The following MID2 variants were observed in gnomAD, a reference collection of about 807,000 sequenced individuals.
MID2 encodes the protein probable E3 ubiquitin-protein ligase MID2.
MID2 carries 13 observed loss-of-function variants against 46.1 expected under a neutral mutation model. That is an observed-to-expected ratio of 0.28 (90% CI 0.18 to 0.45). MID2 has a LOEUF of 0.45. Ranked by LOEUF, MID2 falls within the 20% of genes least tolerant of loss-of-function variation. The pLI is 1.00. For synonymous variants in MID2, 199 were observed against 212.3 expected (o/e 0.94, Z 0.55); for missense variants, 431 against 575.4 (o/e 0.75, Z 2.57).
At chrX:107,849,076 G>A (rs1931552444) in intron 2 of MID2, among the ~76,000 whole-genome samples, 1 of 112,091 alleles carries the variant, frequency 8.9e-6, no homozygotes. Flanking sequence ...CCCTTCCTAT[G>A]CTCACCCCAA....
Position 107,887,604 on chromosome X carries a change from A to G in MID2, c.817-16354A>G, listed in dbSNP as rs1388290529. 7.2e-5 allele frequency among the ~76,000 whole-genome samples: 8 copies of G among 110,958 alleles called. No homozygotes were observed. In the East Asian group the frequency reaches 8.5e-4, roughly 12 times the overall value. ...AATTCTCTTTTTTTGTTGTGTCTCTACCAGGCTTTGGTATCAGGATGATGC... is the reference window on the plus strand; with the variant it reads ...AATTCTCTTTTTTTGTTGTGTCTCTGCCAGGCTTTGGTATCAGGATGATGC... On this transcript the variant is annotated intron_variant, in intron 3 of 9. Transcript: ENST00000262843.
At chrX:107,905,660 C>T in intron 5 of MID2, 34 bp downstream of exon 5, 2 of 1,130,722 alleles carry the variant, frequency 1.8e-6, no homozygotes, top group Non-Finnish European at 2.4e-6. Context: ...AATGCCTGCT[C>T]TTGTGAAAAG....
At chrX:107,878,085 A>G (rs1310506509) in intron 3 of MID2, among the ~76,000 whole-genome samples, 2 of 111,153 alleles carry the variant, frequency 1.8e-5, no homozygotes, top group South Asian at 3.8e-4. Context: ...TAATCACTGT[A>G]TTCTTCCCCC....
At chrX:107,854,999 A>G (rs146803923) in intron 3 of MID2, among the ~76,000 whole-genome samples, 1,268 of 111,949 alleles carry the variant, frequency 0.011, 14 homozygotes, top group Non-Finnish European at 0.017. Flanking sequence ...TGCTTCATCC[A>G]TCATCAAACT....
intron 3 of MID2, among the ~76,000 whole-genome samples, chrX:107,888,792 C>T (rs1449314592): frequency 8.9e-6 from 1 of 111,808 alleles, no homozygotes; most frequent in African/African-American, 3.3e-5. Context: ...CTTTATGAAT[C>T]TGGGTGCTCC....
At chrX:107,868,947 T>C (rs772707901) in intron 3 of MID2, among the ~76,000 whole-genome samples, 2 of 110,995 alleles carry the variant, frequency 1.8e-5, no homozygotes, top group South Asian at 7.7e-4. Context: ...TAGATAGAGA[T>C]AATATATATT....
intron 3 of MID2, among the ~76,000 whole-genome samples, chrX:107,890,899 G>A (rs1006905615): frequency 1.8e-5 from 2 of 110,334 alleles, no homozygotes; most frequent in African/African-American, 6.6e-5. Context: ...GGCTCTGTGG[G>A]ATTAGGTCCC....
chrX:107,850,189 G>GACACAC (rs201492124), intron 2 of MID2, among the ~76,000 whole-genome samples: 17 of 102,151 alleles, frequency 1.7e-4, no homozygotes, highest in Non-Finnish European at 3.1e-4. Context: ...CACACACACA[G>GACACAC]ACACACACAC....
intron 3 of MID2, among the ~76,000 whole-genome samples, chrX:107,882,605 C>T (rs933061733): frequency 8.9e-6 from 1 of 111,848 alleles, no homozygotes; most frequent in Non-Finnish European, 1.9e-5. Flanking sequence ...TGAAAAAATG[C>T]TCATCATCAC....
At chrX:107,890,716 A>T (rs375215590) in intron 3 of MID2, among the ~76,000 whole-genome samples, 1 of 111,724 alleles carries the variant, frequency 9.0e-6, no homozygotes, top group African/African-American at 3.3e-5. Context: ...GCCCCCAGAG[A>T]TGGAGTCTAC....
rs1286021685 is a variant in MID2, at chrX:107,826,189, C to T, written c.-238C>T. 6.7e-6 allele frequency: 2 copies of T among 298,227 alleles called. No individual in the cohort carries two copies. The highest frequency in any genetic ancestry group is 5.5e-5 in the African/African-American group (2 of 36,423). The allele number at this position is 298,227 out of a possible 1,213,427, so 24.6% of individuals were successfully genotyped here. A position where few individuals can be genotyped will look rare whatever the true frequency, so the allele number is the denominator to read the frequency against. ...GGGAGGCCCAGCTGCGGTAGCATCG[C>T]GGCCGCCGTGCTGTCCCCTGCGGGG... On this transcript the variant is annotated 5_prime_UTR_variant, in exon 1 of 10. Transcript: ENST00000262843.
chrX:107,876,515 G>A lies in MID2; in HGVS notation c.816+21811G>A, dbSNP rs1483886912. Among the ~76,000 whole-genome samples the A allele has an allele frequency of 3.6e-5, 4 of 110,877 alleles. No individual in the cohort carries two copies. The South Asian group carries it at 1.2e-3, about 33-fold the overall frequency. On this transcript the variant is annotated intron_variant, in intron 3 of 9. Coordinates refer to ENST00000262843, the MANE Select transcript of MID2 (RefSeq NM_012216.4). Reference sequence around the variant, plus strand: ...CTGAGAGGCTTAGTTCTGGTCCTACGTAAGCCCTCCATCATGGACACCTAA... The same window carrying A: ...CTGAGAGGCTTAGTTCTGGTCCTACATAAGCCCTCCATCATGGACACCTAA...
intron 3 of MID2, among the ~76,000 whole-genome samples, 159 bp from the exon 4 acceptor site, chrX:107,903,799 C>T (rs2082848781): frequency 1.8e-5 from 2 of 111,634 alleles, no homozygotes; most frequent in African/African-American, 6.5e-5. Flanking sequence ...AATGCCCTTG[C>T]ATCATTAATA....
At chrX:107,849,607 T>C (rs1931565770) in intron 2 of MID2, among the ~76,000 whole-genome samples, 1 of 111,918 alleles carries the variant, frequency 8.9e-6, no homozygotes, top group Non-Finnish European at 1.9e-5. Flanking sequence ...GGGAAGGGAA[T>C]AAGAGAGCAC....
chrX:107,848,882 C>T (rs1931547481), intron 2 of MID2, among the ~76,000 whole-genome samples: 1 of 112,087 alleles, frequency 8.9e-6, no homozygotes, highest in Non-Finnish European at 1.9e-5. Context: ...TGTGAAGATT[C>T]TGGCTTCTGG....
rs1933189745 is a variant in MID2, at chrX:107,926,881, C to T, written c.2016C>T (p.Asn672=). The T allele has an allele frequency of 2.5e-6, 3 of 1,209,141 alleles. No individual in the cohort carries two copies. The Admixed American group carries it at 6.6e-5, about 26-fold the overall frequency. ...NNMLSFYDPA[N]SLHLHTFDVT... is the part of the protein sequence containing the mutation. Reference sequence around the variant, plus strand: ...TGCTGTCTTTCTATGACCCAGCTAACTCTCTCCATCTTCATACTTTTGATG... The same window carrying T: ...TGCTGTCTTTCTATGACCCAGCTAATTCTCTCCATCTTCATACTTTTGATG... Residue 672 remains asparagine, a synonymous_variant, in exon 10 of 10, where the codon AAC becomes AAT. Coordinates refer to ENST00000262843, the MANE Select transcript of MID2 (RefSeq NM_012216.4).
intron 5 of MID2, among the ~76,000 whole-genome samples, chrX:107,906,439 C>G (rs1318566203): frequency 1.8e-5 from 2 of 112,128 alleles, no homozygotes; most frequent in African/African-American, 3.2e-5. Flanking sequence ...AACAGTGACT[C>G]TCACCTCAGA....
Position 107,927,231 on chromosome X carries a change from T to C in MID2, c.*158T>C, listed in dbSNP as rs1933198226. On this transcript the variant is annotated 3_prime_UTR_variant, in exon 10 of 10. Transcript: ENST00000262843. Reference sequence around the variant, plus strand: ...GATTTAATTTTTGTGCATTAAAGCTTGTATTTGAATTAATTTATTGAGTTT... The same window carrying C: ...GATTTAATTTTTGTGCATTAAAGCTCGTATTTGAATTAATTTATTGAGTTT... 2.3e-6 allele frequency: 1 copy of C among 427,984 alleles called. No homozygotes were observed. The allele number at this position is 427,984 out of a possible 1,213,427, so 35.3% of individuals were successfully genotyped here. A position where few individuals can be genotyped will look rare whatever the true frequency, so the allele number is the denominator to read the frequency against.
At chrX:107,885,247 A>T (rs1177081022) in intron 3 of MID2, among the ~76,000 whole-genome samples, 1 of 105,409 alleles carries the variant, frequency 9.5e-6, no homozygotes, top group African/African-American at 3.5e-5. Context: ...CATTAGGTAT[A>T]TCTCCTAATG....
Sources: gnomAD v4.1 joint callset for allele counts (sites outside exome capture counted in the v4.1 genomes callset) on GRCh38, gnomAD v4.1.1 for gene constraint, MANE v1.5 for transcripts, NCBI Gene and HGNC (gene_info 2026-07-23, HGNC 2026-07-21) for gene names.